QTGAL: variants seen among roughly 807,000 people sequenced by gnomAD.
The protein encoded by QTGAL is BGnT-like protein 1.
chr17:82,977,245 C>G, the QTGAL span, among the ~76,000 whole-genome samples: 42 of 152,346 alleles, frequency 2.8e-4, 1 homozygote, highest in African/African-American at 9.4e-4. Context: ...GAAGTCGGAA[C>G]CTGCGTGAAT....
At chr17:83,045,178 C>T in the QTGAL span, among the ~76,000 whole-genome samples, 1 of 152,156 alleles carries the variant, frequency 6.6e-6, no homozygotes, top group African/African-American at 2.4e-5. Flanking sequence ...AAACAATTCA[C>T]AAAACTTATC....
the QTGAL span, among the ~76,000 whole-genome samples, chr17:82,977,473 G>A: frequency 6.6e-6 from 1 of 151,678 alleles, no homozygotes; most frequent in South Asian, 2.1e-4. Flanking sequence ...ACCCCTTGGT[G>A]TACTTAACAT....
the QTGAL span, chr17:82,960,293 C>T: frequency 6.6e-6 from 1 of 152,248 alleles, no homozygotes; most frequent in South Asian, 2.1e-4. Flanking sequence ...GGCCTGGGAC[C>T]ATCGCGGCTC....
the QTGAL span, among the ~76,000 whole-genome samples, chr17:82,964,255 CAAAAAAAAAAA>C: frequency 2.8e-5 from 2 of 72,466 alleles, no homozygotes; most frequent in Non-Finnish European, 4.8e-5. Context: ...GACCCTGTCT[CAAAAAAAAAAA>C]AAAAAAAAAG....
At chr17:83,020,455 GAAA>G in the QTGAL span, among the ~76,000 whole-genome samples, 114 of 152,286 alleles carry the variant, frequency 7.5e-4, 1 homozygote, top group African/African-American at 2.7e-3. Flanking sequence ...GGAAAAGCTA[GAAA>G]AATACTAAAA....
chr17:83,038,998 G>C, the QTGAL span, among the ~76,000 whole-genome samples: 1 of 151,680 alleles, frequency 6.6e-6, no homozygotes, highest in Non-Finnish European at 1.5e-5. Flanking sequence ...ACCAACGAAA[G>C]ATAATGAAAA....
At chr17:82,954,336 C>T in the QTGAL span, among the ~76,000 whole-genome samples, 1 of 152,076 alleles carries the variant, frequency 6.6e-6, no homozygotes, top group Non-Finnish European at 1.5e-5. Context: ...CACGAGCATT[C>T]CTATACACCA....
At chr17:83,028,734 A>G in the QTGAL span, among the ~76,000 whole-genome samples, 2 of 152,158 alleles carry the variant, frequency 1.3e-5, no homozygotes, top group African/African-American at 4.8e-5. Context: ...TTTAAGGTAA[A>G]AACACCTTTC....
the QTGAL span, among the ~76,000 whole-genome samples, chr17:83,017,152 G>A: frequency 4.6e-5 from 7 of 152,168 alleles, no homozygotes; most frequent in Admixed American, 6.5e-5. Context: ...AGATGATCTC[G>A]TGGAGGTAGA....
chr17:82,947,371 C>T, the QTGAL span: 1 of 205,242 alleles, frequency 4.9e-6, no homozygotes, highest in East Asian at 1.2e-4. Flanking sequence ...GGAGGAGGCC[C>T]CTCAGACAGA....
the QTGAL span, among the ~76,000 whole-genome samples, chr17:83,001,504 A>C: frequency 5.2e-4 from 79 of 151,090 alleles, no homozygotes; most frequent in Middle Eastern, 7.0e-3. Flanking sequence ...AGGAAGGAAC[A>C]CTTCGGCATC....
chr17:82,962,618 A>T, the QTGAL span, among the ~76,000 whole-genome samples: 2 of 133,924 alleles, frequency 1.5e-5, no homozygotes, highest in African/African-American at 5.3e-5. Context: ...CGGGTGATTT[A>T]GGGTGGAGGC....
At chr17:82,949,098 T>C in the QTGAL span, 3 of 152,172 alleles carry the variant, frequency 2.0e-5, no homozygotes, top group African/African-American at 7.2e-5. Flanking sequence ...TTTATAAATA[T>C]GTGAGAAGAT....
At chr17:83,048,497 C>T in the QTGAL span, 1 of 1,613,200 alleles carries the variant, frequency 6.2e-7, no homozygotes, top group South Asian at 1.1e-5. Context: ...AGAATCGTGC[C>T]CCCCAATGAT....
chr17:82,957,473 G>A, the QTGAL span: 74 of 1,607,226 alleles, frequency 4.6e-5, no homozygotes, highest in South Asian at 1.3e-4. Context: ...GGAAGCGGAC[G>A]CGGTGGGTCC....
the QTGAL span, chr17:82,948,384 T>C: frequency 6.6e-6 from 1 of 152,248 alleles, no homozygotes; most frequent in Admixed American, 6.5e-5. Context: ...CTCCCAGGAT[T>C]AGACCCGAGG....
At chr17:82,952,626 C>A in the QTGAL span, among the ~76,000 whole-genome samples, 1 of 152,156 alleles carries the variant, frequency 6.6e-6, no homozygotes, top group Non-Finnish European at 1.5e-5. Flanking sequence ...GACTTTAACA[C>A]CCCACTGTCA....
At chr17:83,008,105 T>TCAAGAGGAGGAGGAGGCGCAGG in the QTGAL span, among the ~76,000 whole-genome samples, 1 of 152,186 alleles carries the variant, frequency 6.6e-6, no homozygotes, top group Non-Finnish European at 1.5e-5. Flanking sequence ...AGGTGCGCTA[T>TCAAGAGGAGGAGGAGGCGCAGG]GCGCTTAATC....
the QTGAL span, among the ~76,000 whole-genome samples, chr17:83,000,340 C>A: frequency 6.6e-6 from 1 of 152,174 alleles, no homozygotes; most frequent in Non-Finnish European, 1.5e-5. Flanking sequence ...CCTCACCCAG[C>A]GTTTTAAGCA....
Sources: gnomAD v4.1 joint callset for allele counts (sites outside exome capture counted in the v4.1 genomes callset) on GRCh38, gnomAD v4.1.1 for gene constraint, MANE v1.5 for transcripts, NCBI Gene and HGNC (gene_info 2026-07-23, HGNC 2026-07-21) for gene names.